Variants in PSG1 observed in about 807,000 individuals in gnomAD.
PSG1 encodes the protein pregnancy-specific beta-1-glycoprotein 1.
Under a neutral mutation model 41.4 loss-of-function variants are expected in PSG1, and 60 were observed. That is an observed-to-expected ratio of 1.45 (90% CI 1.18 to 1.80). The LOEUF (loss-of-function observed/expected upper bound fraction) is 1.80. Ranked by LOEUF, PSG1 falls within the 40% of genes most tolerant of loss-of-function variation. The pLI is 0.00. For missense variants in PSG1, 806 were observed against 516.9 expected (o/e 1.56, Z -5.42); for synonymous variants, 256 against 192.9 (o/e 1.33, Z -2.71).
At chr19:42,875,465 G>T (rs1157167266) in intron 2 of PSG1, among the ~76,000 whole-genome samples, 3 of 151,628 alleles carry the variant, frequency 2.0e-5, no homozygotes, top group Non-Finnish European at 4.4e-5. Flanking sequence ...ATTGTAGAAC[G>T]TGAGATTGGT....
At chr19:42,874,353 T>TCA (rs1971517236) in intron 2 of PSG1, among the ~76,000 whole-genome samples, 1 of 139,386 alleles carries the variant, frequency 7.2e-6, no homozygotes, top group Non-Finnish European at 1.5e-5. Flanking sequence ...TCTAACAGGG[T>TCA]TTTTTTTTTC....
intron 2 of PSG1, 56 bp from the exon 3 acceptor site, chr19:42,872,101 G>A (rs2122520361): frequency 1.3e-6 from 2 of 1,568,234 alleles, no homozygotes; most frequent in Non-Finnish European, 1.7e-6. Context: ...TTCCTCCAAA[G>A]GCATTTTTCA....
Position 42,868,085 on chromosome 19 carries a change from G to T in PSG1, c.1243+16C>A. The T allele has an allele frequency of 6.2e-7, 1 of 1,612,228 alleles. No homozygotes were observed. Among genetic ancestry groups the T allele is most frequent in the Non-Finnish European group, 8.5e-7 (1 of 1,179,074 alleles). On this transcript the variant is annotated intron_variant, in intron 5 of 5. Coordinates refer to ENST00000436291, the MANE Select transcript of PSG1 (RefSeq NM_001184825.2). ...CACCTAAAACCCTATTGCCAACGAT[G>T]CTGGGATCCACTTACCAGAGACTTC...
Position 42,879,677 on chromosome 19 carries a change from C to T in PSG1, c.-96G>A. ...GTCAGCTGTGCTGTCCTTCCTCTTT[C>T]TGTGCTGAGCCTCTTCCCAGGGCAG... On this transcript the variant is annotated 5_prime_UTR_variant, in exon 1 of 6. Coordinates refer to ENST00000436291, the MANE Select transcript of PSG1 (RefSeq NM_001184825.2). 1 of 1,534,220 alleles carries T rather than the reference C, an allele frequency of 6.5e-7. No individual in the cohort carries two copies. Among genetic ancestry groups the T allele is most frequent in the Non-Finnish European group, 8.9e-7 (1 of 1,125,938 alleles).
intron 4 of PSG1, 114 bp downstream of exon 4, chr19:42,868,642 T>C: frequency 6.4e-7 from 1 of 1,552,480 alleles, no homozygotes; most frequent in Non-Finnish European, 8.7e-7. Context: ...CCAGCTCCGA[T>C]GTCCAGAAGT....
At chr19:42,877,252 A>C (rs140166387) in intron 2 of PSG1, among the ~76,000 whole-genome samples, 4 of 151,596 alleles carry the variant, frequency 2.6e-5, no homozygotes, top group Admixed American at 2.6e-4. Context: ...TCTATGGACT[A>C]TCCTAAGCCT....
chr19:42,870,131 A>C (rs1404720343), intron 3 of PSG1: 3 of 151,820 alleles, frequency 2.0e-5, no homozygotes. Context: ...CAGTTATGCA[A>C]GGTGGGGAGG....
intron 4 of PSG1, 114 bp downstream of exon 4, chr19:42,868,642 T>A (rs2091872068): frequency 1.3e-6 from 2 of 1,552,480 alleles, no homozygotes; most frequent in African/African-American, 1.4e-5. Context: ...CCAGCTCCGA[T>A]GTCCAGAAGT....
intron 2 of PSG1, among the ~76,000 whole-genome samples, chr19:42,876,340 C>A (rs114007882): frequency 0.03 from 4,475 of 151,306 alleles, 294 homozygotes; most frequent in African/African-American, 0.1. Flanking sequence ...CTCGAGAACC[C>A]TCCGGTGGCT....
intron 2 of PSG1, among the ~76,000 whole-genome samples, chr19:42,875,351 T>C (rs1309988039): frequency 5.3e-5 from 8 of 151,780 alleles, no homozygotes; most frequent in African/African-American, 9.7e-5. Flanking sequence ...GAACTGAATT[T>C]TGCTAAAATG....
chr19:42,871,925 C>G lies in PSG1; in HGVS notation c.551G>C (p.Gly184Ala). Residue 184 changes from glycine (G) to alanine (A), a missense_variant, in exon 3 of 6, where the codon GGT (glycine) becomes GCT (alanine). Physicochemically the swap from Gly to Ala is moderately conservative, Grantham distance 60 (BLOSUM62 0). Coordinates refer to ENST00000436291, the MANE Select transcript of PSG1 (RefSeq NM_001184825.2). ...GCTGTGAGTCATAGGGAGGCTCTGA[C>G]CATTCATCCACCACAGGTAGCTTGC... Reference protein sequence around the residue: ...PDASYLWWMNGQSLPMTHSLK... With the variant: ...PDASYLWWMNAQSLPMTHSLK... 2 of 1,612,436 alleles carry G rather than the reference C, an allele frequency of 1.2e-6. No individual in the cohort carries two copies. Among genetic ancestry groups the G allele is most frequent in the South Asian group, 2.2e-5 (2 of 90,824 alleles).
chr19:42,876,868 A>C (rs1971629144), intron 2 of PSG1: 1 of 152,840 alleles, frequency 6.5e-6, no homozygotes, highest in African/African-American at 2.4e-5. Flanking sequence ...GGGTGCTTGG[A>C]ACCCAGTAAG....
At chr19:42,873,881 A>G (rs1272308087) in intron 2 of PSG1, among the ~76,000 whole-genome samples, 3 of 151,616 alleles carry the variant, frequency 2.0e-5, no homozygotes, top group South Asian at 2.1e-4. Context: ...TGCTTTCTTC[A>G]TTTTCTCTTA....
chr19:42,879,218 T>C (rs1351015442), intron 1 of PSG1, among the ~76,000 whole-genome samples: 1 of 150,362 alleles, frequency 6.7e-6, no homozygotes, highest in Non-Finnish European at 1.5e-5. Context: ...GGTGGTGCTA[T>C]CTCAGCTATC....
intron 1 of PSG1, among the ~76,000 whole-genome samples, chr19:42,879,312 C>T (rs1195117137): frequency 6.6e-6 from 1 of 151,286 alleles, no homozygotes; most frequent in African/African-American, 2.4e-5. Flanking sequence ...ACCACCATAC[C>T]TGGTTAAATT....
chr19:42,869,418 T>C (rs1391309705), intron 3 of PSG1: 1 of 306,288 alleles, frequency 3.3e-6, no homozygotes, highest in African/African-American at 2.1e-5. Context: ...CATCCTACTT[T>C]GTCCCCCTAG....
In PSG1 at chr19:42,876,325, G is replaced by C. The variant is rs141340505; in HGVS notation, c.430+1588C>G. ...CCCAGTTCCATAGTCCAGGACCAAG[G>C]AGCCCTCGAGAACCCTCCGGTGGCT... On this transcript the variant is annotated intron_variant, in intron 2 of 5. Transcript: ENST00000436291. Among the ~76,000 whole-genome samples the C allele has an allele frequency of 8.3e-3, 1,253 of 151,386 alleles. 39 individuals are homozygous for C. The highest frequency in any genetic ancestry group is 0.029 in the African/African-American group (1,204 of 41,254).
rs775956676 is a variant in PSG1, at chr19:42,866,547, C to G, written c.*587G>C. On this transcript the variant is annotated 3_prime_UTR_variant, in exon 6 of 6. Transcript: ENST00000436291. ...TGTATCTCTTAGGAAACGGCAAGAGCCATCCACACAATGTGGATTTAAAGG... is the reference window on the plus strand; with the variant it reads ...TGTATCTCTTAGGAAACGGCAAGAGGCATCCACACAATGTGGATTTAAAGG... 5.5e-6 allele frequency: 1 copy of G among 180,766 alleles called. No individual in the cohort carries two copies. The highest frequency in any genetic ancestry group is 2.4e-5 in the African/African-American group (1 of 42,174). 11.2% of individuals were successfully genotyped at this position (180,766 alleles called of 1,614,324 possible). A position where few individuals can be genotyped will look rare whatever the true frequency, so the allele number is the denominator to read the frequency against.
rs140433786 is a variant in PSG1, at chr19:42,875,161, G to T, written c.430+2752C>A. On this transcript the variant is annotated intron_variant, in intron 2 of 5. Transcript: ENST00000436291. ...GACTCCATCTGGCATCTAGTCTCAG[G>T]CTGGCTGTCCTCACTCATTCCTGGG... is the stretch of plus-strand genomic sequence containing the variant. Among the ~76,000 whole-genome samples, 27 of 151,878 alleles carry T rather than the reference G, an allele frequency of 1.8e-4. 1 individual carries two copies. The East Asian group carries it at 5.0e-3, about 28-fold the overall frequency.
Sources: gnomAD v4.1 joint callset for allele counts (sites outside exome capture counted in the v4.1 genomes callset) on GRCh38, gnomAD v4.1.1 for gene constraint, MANE v1.5 for transcripts, NCBI Gene and HGNC (gene_info 2026-07-23, HGNC 2026-07-21) for gene names.